FNDC3A: variants seen among roughly 807,000 people sequenced by gnomAD.
The protein encoded by FNDC3A is fibronectin type-III domain-containing protein 3A.
A neutral mutation model predicts 148.9 loss-of-function variants in FNDC3A; 32 were observed. The ratio of observed to expected loss-of-function variants is 0.21; its 90% confidence interval spans 0.16 to 0.29. The LOEUF (loss-of-function observed/expected upper bound fraction) is 0.29. FNDC3A is among the 10% of genes least tolerant of loss of function. The pLI, the probability that FNDC3A is intolerant of heterozygous loss-of-function variation, is 1.00. For missense variants in FNDC3A, 1,191 were observed against 1,452.8 expected, an observed-to-expected ratio of 0.82 and a Z score of 2.93; for synonymous variants, 472 against 473.6, an observed-to-expected ratio of 1.00 and a Z score of 0.04.
Position 49,191,351 on chromosome 13 carries a change from C to T in FNDC3A, c.2193C>T (p.Tyr731=). The T allele has an allele frequency of 1.2e-6, 2 of 1,606,538 alleles. No homozygotes were observed. Among genetic ancestry groups the T allele is most frequent in the Non-Finnish European group, 1.7e-6 (2 of 1,177,956 alleles). The change falls in exon 19 of 26, where the codon TAC becomes TAT. Residue 731 remains tyrosine (Y), a synonymous_variant. Transcript: ENST00000492622. ...GCAGCCTTCTTCCTGGAAAGACATACAGCTTCAGACTACGTGCAGCTAACA... is the reference window on the plus strand; with the variant it reads ...GCAGCCTTCTTCCTGGAAAGACATATAGCTTCAGACTACGTGCAGCTAACA... ...TVSSLLPGKT[Y]SFRLRAANKM...
At chr13:49,199,140 C>T (rs575631749) in intron 23 of FNDC3A, among the ~76,000 whole-genome samples, 38 of 152,152 alleles carry the variant, frequency 2.5e-4, no homozygotes, top group African/African-American at 8.7e-4. Context: ...CCCACCTCAG[C>T]TCCCCAAGTA....
chr13:48,981,888 A>G (rs576801366), intron 1 of FNDC3A, among the ~76,000 whole-genome samples: 4 of 152,246 alleles, frequency 2.6e-5, no homozygotes, highest in African/African-American at 9.6e-5. Context: ...ATTTTAATAT[A>G]TATTTGAACT....
intron 2 of FNDC3A, among the ~76,000 whole-genome samples, chr13:49,017,045 G>A (rs1015615195): frequency 6.6e-6 from 1 of 151,928 alleles, no homozygotes. Context: ...TTTGGAATAG[G>A]TGTGGTGTGG....
chr13:49,171,763 A>G (rs57848580), intron 10 of FNDC3A, among the ~76,000 whole-genome samples: 5,964 of 152,294 alleles, frequency 0.039, 356 homozygotes, highest in African/African-American at 0.13. Flanking sequence ...GAAAAGCAAA[A>G]TGGTTTTTTT....
chr13:49,206,551 A>G (rs1886655440), intron 25 of FNDC3A, among the ~76,000 whole-genome samples: 1 of 152,040 alleles, frequency 6.6e-6, no homozygotes, highest in Non-Finnish European at 1.5e-5. Flanking sequence ...AGGAGGTCCT[A>G]TTTTCTGATT....
At chr13:49,103,386 T>C (rs1215010215) in intron 3 of FNDC3A, among the ~76,000 whole-genome samples, 1 of 152,256 alleles carries the variant, frequency 6.6e-6, no homozygotes, top group African/African-American at 2.4e-5. Context: ...GATAGACTGG[T>C]ATTTTACCAG....
At chr13:49,037,453 C>T (rs1593501725) in intron 2 of FNDC3A, among the ~76,000 whole-genome samples, 1 of 152,146 alleles carries the variant, frequency 6.6e-6, no homozygotes, top group Non-Finnish European at 1.5e-5. Flanking sequence ...TATCAACCAC[C>T]AGCAAACGTA....
At chr13:49,141,035 A>G (rs193257793) in intron 7 of FNDC3A, among the ~76,000 whole-genome samples, 3 of 152,256 alleles carry the variant, frequency 2.0e-5, no homozygotes, top group Admixed American at 2.0e-4. Flanking sequence ...AAAAAAAGGA[A>G]AGCAGAGAAA....
intron 3 of FNDC3A, among the ~76,000 whole-genome samples, chr13:49,093,051 A>G (rs1879287481): frequency 6.6e-6 from 1 of 152,180 alleles, no homozygotes. Flanking sequence ...TTTGATTTCT[A>G]AAGAATAATT....
At position 49,131,192 on chromosome 13, in the gene FNDC3A, T is replaced by C. The variant is rs764588757; in HGVS notation, c.308T>C (p.Phe103Ser). The change falls in exon 5 of 26, where the codon TTT (phenylalanine) becomes TCT (serine). Residue 103 changes from phenylalanine (F) to serine (S), a missense_variant. Coordinates refer to ENST00000492622, the MANE Select transcript of FNDC3A (RefSeq NM_001079673.2). The stretch of plus-strand genomic sequence containing the variant: ...GTCGTGGTCCCTCAGGCACCAGAGT[T>C]TCACCCTGGTAGTCACACAGTTCTC... ...RVVVVPQAPE[F>S]HPGSHTVLHR... 2 of 1,614,086 alleles carry C rather than the reference T, an allele frequency of 1.2e-6. No homozygotes were observed. The highest frequency in any genetic ancestry group is 1.7e-6 in the Non-Finnish European group (2 of 1,179,934).
At chr13:49,034,615 G>A (rs1260950961) in intron 2 of FNDC3A, among the ~76,000 whole-genome samples, 1 of 151,986 alleles carries the variant, frequency 6.6e-6, no homozygotes, top group Non-Finnish European at 1.5e-5. Context: ...ATAATGAATT[G>A]CTTTTGATAT....
chr13:49,138,959 T>C (rs536967809), intron 7 of FNDC3A, among the ~76,000 whole-genome samples, 154 bp downstream of exon 7: 3 of 152,330 alleles, frequency 2.0e-5, no homozygotes, highest in Admixed American at 6.5e-5. Flanking sequence ...TGGTATGCTT[T>C]AGCTATCTTT....
intron 2 of FNDC3A, among the ~76,000 whole-genome samples, chr13:49,048,352 A>G (rs554843335): frequency 9.9e-5 from 15 of 152,066 alleles, no homozygotes; most frequent in African/African-American, 2.4e-4. Flanking sequence ...TGGGAATTGC[A>G]TTGAATTTGT....
chr13:49,193,717 C>A (rs186587970), intron 19 of FNDC3A, among the ~76,000 whole-genome samples: 1 of 152,050 alleles, frequency 6.6e-6, no homozygotes, highest in Non-Finnish European at 1.5e-5. Flanking sequence ...GTCAGGAGTT[C>A]GAGACCAGCC....
In FNDC3A at chr13:49,175,510, C is replaced by G. The variant is rs1884984785; in HGVS notation, c.1499C>G (p.Ser500Cys). 1.2e-6 allele frequency: 2 copies of G among 1,609,678 alleles called. No individual in the cohort carries two copies. The highest frequency in any genetic ancestry group is 4.5e-5 in the East Asian group (2 of 44,764). Reference protein sequence around the residue: ...PSGTPSDEGISYILEMEEETS... With the variant: ...PSGTPSDEGICYILEMEEETS... ...GGAACACCATCAGATGAAGGAATTTCTTACATTTTAGAGATGGAGGAAGAA... is the reference window on the plus strand; with the variant it reads ...GGAACACCATCAGATGAAGGAATTTGTTACATTTTAGAGATGGAGGAAGAA... The change falls in exon 13 of 26, where the codon TCT becomes TGT. Residue 500 changes from serine to cysteine, a missense_variant. By Grantham distance (112) the Ser-to-Cys change is moderately radical. This residue lies in a region of FNDC3A where 751 missense variants were observed against 944.0 expected (regional missense o/e 0.80). Coordinates refer to ENST00000492622, the MANE Select transcript of FNDC3A (RefSeq NM_001079673.2).
rs2138152111 is a variant in FNDC3A, at chr13:49,207,539, T to C, written c.*144T>C. 3 of 564,732 alleles carry C rather than the reference T, an allele frequency of 5.3e-6. 1 individual carries two copies. The highest frequency in any genetic ancestry group is 1.9e-5 in the African/African-American group (1 of 52,668). The allele number at this position is 564,732 out of a possible 1,614,324, so 35.0% of individuals were successfully genotyped here. A position where few individuals can be genotyped will look rare whatever the true frequency, so the allele number is the denominator to read the frequency against. On this transcript the variant is annotated 3_prime_UTR_variant, in exon 26 of 26. Coordinates refer to ENST00000492622, the MANE Select transcript of FNDC3A (RefSeq NM_001079673.2). ...TCATTTTTGCCATTTTCAGTGCTTA[T>C]ATTGTTAGGTAGAGGCTGGCACTTT...
At chr13:49,136,659 C>T in intron 6 of FNDC3A, 58 bp downstream of exon 6, 1 of 1,511,134 alleles carries the variant, frequency 6.6e-7, no homozygotes, top group Non-Finnish European at 9.1e-7. Context: ...ATTTAACCTA[C>T]TAAAAGTATA....
rs778496058 is a variant in FNDC3A at position 49,201,905 on chromosome 13, A to T, written c.3093A>T (p.Glu1031Asp). ...TTCAAGCTTGTAATGAAGCTGGGGA[A>T]GGTCCCCTCTCCCAAGAATATATTT... ...FCIQACNEAG[E>D]GPLSQEYIFT... The change falls in exon 24 of 26, where the codon GAA becomes GAT. Residue 1031 changes from glutamate to aspartate, a missense_variant. Coordinates refer to ENST00000492622, the MANE Select transcript of FNDC3A (RefSeq NM_001079673.2). 8 of 1,595,514 alleles carry T rather than the reference A, an allele frequency of 5.0e-6. No homozygotes were observed. Among genetic ancestry groups the T allele is most frequent in the Non-Finnish European group, 6.8e-6 (8 of 1,170,272 alleles).
intron 1 of FNDC3A, among the ~76,000 whole-genome samples, chr13:48,983,779 T>C (rs148277547): frequency 5.3e-4 from 81 of 152,326 alleles, no homozygotes; most frequent in African/African-American, 1.9e-3. Flanking sequence ...GATACTATTA[T>C]CACCAAATGT....
Sources: allele counts gnomAD v4.1 joint callset (sites outside exome capture counted in the v4.1 genomes callset), GRCh38; gene constraint gnomAD v4.1.1; regional missense constraint gnomAD v4.1.1; transcripts MANE v1.5; gene names NCBI Gene and HGNC (gene_info 2026-07-23, HGNC 2026-07-21).